ERC1: variants seen among roughly 807,000 people sequenced by gnomAD.
ERC1 encodes RAB6 interacting protein 2.
Under a neutral mutation model 132.0 loss-of-function variants are expected in ERC1, and 56 were observed. The ratio of observed to expected loss-of-function variants is 0.42; its 90% CI spans 0.34 to 0.53. The LOEUF is 0.53. ERC1 is among the 20% of genes least tolerant of loss of function. The probability of loss-of-function intolerance (pLI) is 0.03; values close to 1 mark genes in which losing one functional copy is unlikely to be tolerated. For synonymous variants in ERC1, 478 were observed against 476.1 expected, an observed-to-expected ratio of 1.00 and a Z score of -0.05; for missense variants, 1,202 against 1,349.9, an observed-to-expected ratio of 0.89 and a Z score of 1.72.
rs368902069 is a variant in ERC1 at position 1,121,767 on chromosome 12, A to C, written c.1569+5734A>C. The stretch of plus-strand genomic sequence containing the variant: ...TCTATCTCTATCTCTATCTCTATCT[A>C]TCTCTATCTCTATCTATCTCTATCT... On this transcript the variant is annotated intron_variant, in intron 7 of 18. Transcript: ENST00000360905. 1.6e-3 allele frequency among the ~76,000 whole-genome samples: 9 copies of C among 5,522 alleles called. 1 individual carries two copies. Among genetic ancestry groups the C allele is most frequent in the African/African-American group, 2.8e-3 (9 of 3,182 alleles). The allele number at this position is 5,522 out of a possible 152,430, so 3.6% of individuals were successfully genotyped here.
intron 15 of ERC1, among the ~76,000 whole-genome samples, chr12:1,335,642 G>A (rs1177963863): frequency 2.0e-5 from 3 of 151,982 alleles, no homozygotes; most frequent in African/African-American, 7.2e-5. Context: ...TTTTGTTGAG[G>A]ATTTTGCATT....
At chr12:1,406,894 C>G (rs1451146107) in intron 16 of ERC1, among the ~76,000 whole-genome samples, 3 of 152,088 alleles carry the variant, frequency 2.0e-5, no homozygotes, top group African/African-American at 7.2e-5. Context: ...AAAGAAAACC[C>G]AAATTATCTT....
At chr12:1,387,761 C>T (rs1057062876) in intron 16 of ERC1, among the ~76,000 whole-genome samples, 3 of 152,118 alleles carry the variant, frequency 2.0e-5, no homozygotes, top group Admixed American at 1.3e-4. Context: ...GACTTGGGGC[C>T]GCTAGAACTG....
At chr12:1,061,895 T>TTTA (rs1302895242) in intron 2 of ERC1, among the ~76,000 whole-genome samples, 1 of 152,066 alleles carries the variant, frequency 6.6e-6, no homozygotes, top group African/African-American at 2.4e-5. Context: ...TCTTTTTTGA[T>TTTA]ATAAGTATTT....
chr12:1,438,188 A>G (rs2092997927), intron 17 of ERC1, among the ~76,000 whole-genome samples: 1 of 152,226 alleles, frequency 6.6e-6, no homozygotes, highest in Non-Finnish European at 1.5e-5. Context: ...TTGACACACT[A>G]TCCTTCATTT....
chr12:1,429,808 T>A (rs1371790741), intron 17 of ERC1, among the ~76,000 whole-genome samples: 1 of 152,210 alleles, frequency 6.6e-6, no homozygotes, highest in Non-Finnish European at 1.5e-5. Context: ...TGCAAAGATA[T>A]AGAAGCATAA....
intron 2 of ERC1, among the ~76,000 whole-genome samples, chr12:1,080,889 C>T (rs779155434): frequency 2.6e-5 from 4 of 151,398 alleles, no homozygotes; most frequent in Non-Finnish European, 4.4e-5. Context: ...ATGTCTTTAT[C>T]AGCAGCGTGA....
chr12:1,064,423 C>T (rs925728619), intron 2 of ERC1, among the ~76,000 whole-genome samples: 4 of 152,044 alleles, frequency 2.6e-5, no homozygotes, highest in African/African-American at 9.7e-5. Flanking sequence ...GAGATAGGGT[C>T]TTGCTCCATT....
chr12:1,288,741 A>G (rs368883329), intron 14 of ERC1, among the ~76,000 whole-genome samples: 3 of 152,302 alleles, frequency 2.0e-5, no homozygotes, highest in African/African-American at 2.4e-5. Flanking sequence ...CCTACCTTCT[A>G]CTTCTGAAAA....
chr12:1,102,777 C>G (rs1201315756), intron 3 of ERC1, among the ~76,000 whole-genome samples: 1 of 152,126 alleles, frequency 6.6e-6, no homozygotes, highest in African/African-American at 2.4e-5. Context: ...GTGCTATACA[C>G]AGGAAAAAGT....
chr12:1,225,647 C>T (rs2074521626), intron 12 of ERC1, among the ~76,000 whole-genome samples: 1 of 152,148 alleles, frequency 6.6e-6, no homozygotes, highest in Non-Finnish European at 1.5e-5. Context: ...ATGGAAAGTG[C>T]TGAGGAATGA....
At chr12:1,489,713 A>C (rs1234878375) in intron 18 of ERC1, among the ~76,000 whole-genome samples, 1 of 152,198 alleles carries the variant, frequency 6.6e-6, no homozygotes, top group Non-Finnish European at 1.5e-5. Flanking sequence ...TTTAAATTCT[A>C]AGTTCCCTTA....
At position 1,492,684 on chromosome 12, in the gene ERC1, G is replaced by A. The variant is rs1020928813; in HGVS notation, c.*2454G>A. ...CCGATATCATCTGTCTGGTCTCTGT[G>A]AACAGCAAGGAATCTTCTTGACCGT... On this transcript the variant is annotated 3_prime_UTR_variant, in exon 19 of 19. Transcript: ENST00000360905. 4 of 232,822 alleles carry A rather than the reference G, an allele frequency of 1.7e-5. No individual in the cohort carries two copies. Among genetic ancestry groups the A allele is most frequent in the African/African-American group, 8.8e-5 (4 of 45,338 alleles). The allele number at this position is 232,822 out of a possible 1,614,324, so 14.4% of individuals were successfully genotyped here. A position where few individuals can be genotyped will look rare whatever the true frequency, so the allele number is the denominator to read the frequency against.
At chr12:1,030,008 G>A (rs1277565662) in intron 2 of ERC1, among the ~76,000 whole-genome samples, 5 of 152,114 alleles carry the variant, frequency 3.3e-5, no homozygotes, top group African/African-American at 7.2e-5. Context: ...TTGGCCTCCC[G>A]AAGTGCTGGG....
chr12:1,003,215 G>A (rs1014996670), intron 1 of ERC1, among the ~76,000 whole-genome samples: 3 of 151,698 alleles, frequency 2.0e-5, no homozygotes, highest in African/African-American at 4.8e-5. Context: ...TTGTAATGAG[G>A]AATCTTTGAC....
chr12:1,012,384 A>G (rs555478563), intron 1 of ERC1, among the ~76,000 whole-genome samples: 1 of 152,334 alleles, frequency 6.6e-6, no homozygotes, highest in East Asian at 1.9e-4. Context: ...TAGCTTAAGA[A>G]ATAAACAGTC....
At chr12:1,255,799 A>C (rs528364146) in intron 13 of ERC1, among the ~76,000 whole-genome samples, 1 of 147,054 alleles carries the variant, frequency 6.8e-6, no homozygotes, top group Non-Finnish European at 1.5e-5. Flanking sequence ...CTCCTGGCTA[A>C]TTTTTTTTTG....
intron 17 of ERC1, among the ~76,000 whole-genome samples, chr12:1,419,507 G>T (rs1348535057): frequency 6.9e-6 from 1 of 143,976 alleles, no homozygotes; most frequent in Non-Finnish European, 1.5e-5. Context: ...CATCTCTCAG[G>T]TCTCATTCTT....
chr12:1,118,851 A>T (rs1325252034), intron 7 of ERC1, among the ~76,000 whole-genome samples: 1 of 152,200 alleles, frequency 6.6e-6, no homozygotes, highest in Non-Finnish European at 1.5e-5. Flanking sequence ...TGAAAAAAGA[A>T]CATGGAGCAT....
Sources: allele counts gnomAD v4.1 joint callset (sites outside exome capture counted in the v4.1 genomes callset), GRCh38; gene constraint gnomAD v4.1.1; transcripts MANE v1.5; gene names NCBI Gene and HGNC (gene_info 2026-07-23, HGNC 2026-07-21).